LOXHD1: variants seen among roughly 807,000 people sequenced by gnomAD.
LOXHD1 encodes the protein lipoxygenase homology domain-containing protein 1.
LOXHD1 carries 205 observed loss-of-function variants against 248.2 expected under a neutral mutation model. The observed-to-expected ratio is 0.83, with a 90% CI of 0.74 to 0.93. The LOEUF (loss-of-function observed/expected upper bound fraction) is 0.93. Among genes scored for constraint, LOXHD1 ranks in the 40% least tolerant of loss-of-function variants. The probability of loss-of-function intolerance (pLI) is 0.00; values close to 1 mark genes in which losing one functional copy is unlikely to be tolerated. For missense variants in LOXHD1, 2,930 were observed against 2,971.6 expected (o/e 0.99, Z 0.33); for synonymous variants, 1,113 against 1,162.8 (o/e 0.96, Z 0.87).
rs760750289 is a variant in LOXHD1 at position 46,541,836 on chromosome 18, C to A, written c.3853G>T (p.Asp1285Tyr). The part of the protein sequence containing the change: ...CGRWLAKNED[D>Y]GSIIRDLFHA... ...AAGAGGTCTCTGATGATGGACCCGT[C>A]GTCTTCGTTTTTGGCCAGCCAGCGG... Residue 1285 changes from aspartate to tyrosine, a missense_variant, in exon 25 of 41, where the codon GAC (aspartate) becomes TAC (tyrosine). Asp to Tyr is a radical substitution (Grantham distance 160). Coordinates refer to ENST00000642948, the MANE Select transcript of LOXHD1 (RefSeq NM_001384474.1). The A allele has an allele frequency of 3.9e-6, 6 of 1,551,712 alleles. No individual in the cohort carries two copies. The highest frequency in any genetic ancestry group is 4.4e-6 in the Non-Finnish European group (5 of 1,146,992).
intron 23 of LOXHD1, among the ~76,000 whole-genome samples, chr18:46,544,274 A>T (rs562724524): frequency 8.8e-4 from 134 of 152,330 alleles, no homozygotes; most frequent in African/African-American, 2.5e-3. Context: ...GGTTTTCCAA[A>T]TGTCAAAAAA....
At chr18:46,488,907 C>T (rs1249809315) in intron 38 of LOXHD1, 65 bp downstream of exon 38, 21 of 1,494,940 alleles carry the variant, frequency 1.4e-5, no homozygotes, top group East Asian at 5.0e-5. Context: ...CCAGCTGGAA[C>T]GGTGTCTTCT....
rs1272177333 is a variant in LOXHD1, at chr18:46,560,300, T to C, written c.2844A>G (p.Glu948=). The change falls in exon 19 of 41, where the codon GAA becomes GAG. Residue 948 remains glutamate, a synonymous_variant. Transcript: ENST00000642948. The stretch of plus-strand genomic sequence containing the variant: ...ACTCCTCTTCCTCCCCCTCGTCCTC[T>C]TCGTCGCTGCCCTTCCTCTTCTTCT... ...RKKKKRKGSD[E]EDEGEEEESS... is the part of the protein sequence containing the mutation. 6.4e-7 allele frequency: 1 copy of C among 1,551,890 alleles called. No individual in the cohort carries two copies. The highest frequency in any genetic ancestry group is 1.4e-5 in the African/African-American group (1 of 73,052).
intron 26 of LOXHD1, among the ~76,000 whole-genome samples, chr18:46,535,369 C>T (rs966386300): frequency 2.6e-5 from 4 of 151,874 alleles, no homozygotes; most frequent in African/African-American, 9.7e-5. Flanking sequence ...GAGCCTTAAC[C>T]ACGATGGTGT....
chr18:46,575,135 G>T lies in LOXHD1; in HGVS notation c.1970+2572C>A, dbSNP rs138796654. 1.6e-3 allele frequency among the ~76,000 whole-genome samples: 248 copies of T among 152,186 alleles called. 1 individual carries two copies. Among genetic ancestry groups the T allele is most frequent in the African/African-American group, 5.9e-3 (244 of 41,516 alleles). On this transcript the variant is annotated intron_variant, in intron 14 of 40. Coordinates refer to ENST00000642948, the MANE Select transcript of LOXHD1 (RefSeq NM_001384474.1). ...AACTAGACCTCCAGAGTCCAACCTC[G>T]TCCCCACCCCTCAGCTCTCCCTCCC...
chr18:46,630,313 A>G (rs988958675), intron 4 of LOXHD1, among the ~76,000 whole-genome samples: 4 of 152,232 alleles, frequency 2.6e-5, no homozygotes, highest in Non-Finnish European at 5.9e-5. Context: ...GTGTGGGCTC[A>G]ATATTAATCT....
rs903294457 is a variant in LOXHD1, at chr18:46,579,703, C to G, written c.1736G>C (p.Gly579Ala). The change falls in exon 13 of 41, where the codon GGT becomes GCT. Residue 579 changes from glycine to alanine, a missense_variant. By Grantham distance (60) the Gly-to-Ala change is moderately conservative. Transcript: ENST00000642948. The part of the protein sequence containing the change: ...TDANVYLCLF[G>A]DVGDTGERLL... ...CCGTTCCCCCGTGTCCCCCACATCA[C>G]CAAAAAGGCAGAGATAGACGTTGGC... 2.1e-5 allele frequency: 32 copies of G among 1,551,656 alleles called. No individual in the cohort carries two copies. Among genetic ancestry groups the G allele is most frequent in the Non-Finnish European group, 2.7e-5 (31 of 1,147,022 alleles).
intron 4 of LOXHD1, among the ~76,000 whole-genome samples, chr18:46,634,642 T>G (rs1172532724): frequency 6.6e-6 from 1 of 152,088 alleles, no homozygotes; most frequent in Non-Finnish European, 1.5e-5. Flanking sequence ...ATGCAAGCAT[T>G]CCAAAATCTG....
chr18:46,512,438 C>T (rs1270113925), intron 34 of LOXHD1, among the ~76,000 whole-genome samples: 2 of 152,144 alleles, frequency 1.3e-5, no homozygotes, highest in Non-Finnish European at 2.9e-5. Context: ...CCAAACTATC[C>T]TCAAAAAACC....
chr18:46,600,607 G>A (rs1599040224), intron 8 of LOXHD1, among the ~76,000 whole-genome samples: 1 of 31,688 alleles, frequency 3.2e-5, no homozygotes, highest in African/African-American at 1.2e-4. Context: ...CAAAAAAAAA[G>A]GAAGGAAGGA....
chr18:46,642,410 G>A (rs2038974447), intron 2 of LOXHD1, among the ~76,000 whole-genome samples: 1 of 152,170 alleles, frequency 6.6e-6, no homozygotes, highest in Non-Finnish European at 1.5e-5. Context: ...GGAGGAGGAA[G>A]GAAGGAATAA....
At chr18:46,500,029 C>A (rs1441004903) in intron 37 of LOXHD1, among the ~76,000 whole-genome samples, 1 of 152,068 alleles carries the variant, frequency 6.6e-6, no homozygotes, top group Non-Finnish European at 1.5e-5. Flanking sequence ...TGTAAATTTC[C>A]TCCCCAAGCA....
At chr18:46,565,982 A>G (rs2037631795) in intron 17 of LOXHD1, among the ~76,000 whole-genome samples, 1 of 152,200 alleles carries the variant, frequency 6.6e-6, no homozygotes, top group African/African-American at 2.4e-5. Flanking sequence ...TACAGGGTTG[A>G]GTGTGCATTT....
chr18:46,477,859 G>T lies in LOXHD1; in HGVS notation c.6435C>A (p.Ala2145=). 6.4e-7 allele frequency: 1 copy of T among 1,551,802 alleles called. No homozygotes were observed. The highest frequency in any genetic ancestry group is 8.7e-7 in the Non-Finnish European group (1 of 1,147,022). The part of the protein sequence containing the change: ...FEVTKTTESF[A]SKVQSLVPVK... ...CGGGCACCAGGCTCTGGACCTTGCTGGCAAAGCTCTCTGTCGTCTTGGTAA... is the reference window on the plus strand; with the variant it reads ...CGGGCACCAGGCTCTGGACCTTGCTTGCAAAGCTCTCTGTCGTCTTGGTAA... The change falls in exon 41 of 41, where the codon GCC becomes GCA. Residue 2145 remains alanine (A), a synonymous_variant. Coordinates refer to ENST00000642948, the MANE Select transcript of LOXHD1 (RefSeq NM_001384474.1).
intron 18 of LOXHD1, among the ~76,000 whole-genome samples, chr18:46,560,854 G>A (rs1219458099): frequency 2.4e-5 from 2 of 83,956 alleles, no homozygotes; most frequent in Non-Finnish European, 4.9e-5. Flanking sequence ...ACACACGCAC[G>A]CGCGCGCGCG....
chr18:46,649,324 G>T (rs914036074), intron 1 of LOXHD1, 55 bp from the exon 2 acceptor site: 1 of 1,433,420 alleles, frequency 7.0e-7, no homozygotes, highest in Non-Finnish European at 9.6e-7. Context: ...CCGGAATCCT[G>T]TGTGGGCCTG....
intron 21 of LOXHD1, among the ~76,000 whole-genome samples, chr18:46,553,708 C>T (rs2037201935): frequency 6.6e-6 from 1 of 152,030 alleles, no homozygotes; most frequent in South Asian, 2.1e-4. Context: ...ATGAGCAGCA[C>T]CTAAATACAC....
chr18:46,651,663 A>T (rs1285836756), intron 1 of LOXHD1, among the ~76,000 whole-genome samples: 1 of 152,062 alleles, frequency 6.6e-6, no homozygotes, highest in Non-Finnish European at 1.5e-5. Flanking sequence ...AAAAAAACTG[A>T]CAAATTGGAC....
intron 37 of LOXHD1, among the ~76,000 whole-genome samples, chr18:46,495,609 T>C (rs761063711): frequency 9.9e-5 from 15 of 152,214 alleles, no homozygotes; most frequent in Non-Finnish European, 1.5e-4. Flanking sequence ...CAATAAACGG[T>C]ATTTCCTCAA....
Sources: gnomAD v4.1 joint callset for allele counts (sites outside exome capture counted in the v4.1 genomes callset) on GRCh38, gnomAD v4.1.1 for gene constraint, MANE v1.5 for transcripts, NCBI Gene and HGNC (gene_info 2026-07-23, HGNC 2026-07-21) for gene names.